The following MYO1C variants were observed in gnomAD, a reference collection of about 807,000 sequenced individuals.
MYO1C encodes myosin IC.
In MYO1C, 104 loss-of-function variants were observed where a neutral mutation model predicts 150.8. The observed-to-expected ratio is 0.69, with a 90% CI of 0.59 to 0.81. The LOEUF (loss-of-function observed/expected upper bound fraction) is 0.81, where lower values mean the gene tolerates loss of function less well. Ranked by LOEUF, MYO1C falls within the 30% of genes least tolerant of loss-of-function variation. MYO1C has a pLI of 0.00. For synonymous variants in MYO1C, 663 were observed against 579.9 expected (o/e 1.14, Z -2.06); for missense variants, 1,504 against 1,435.0 (o/e 1.05, Z -0.78).
intron 7 of MYO1C, 72 bp downstream of exon 7, chr17:1,480,448 CAAAAAAT>C (rs1450242690): frequency 7.7e-7 from 1 of 1,305,530 alleles, no homozygotes; most frequent in Non-Finnish European, 1.1e-6. Flanking sequence ...AACTCCGTCT[CAAAAAAT>C]AAAAAACAAA....
chr17:1,470,594 C>T lies in MYO1C; in HGVS notation c.2281+27G>A, dbSNP rs1187404786. Reference sequence around the variant, plus strand: ...CCCCCCCTGGCCCCAGACCCCGCCCCTCCTGAACACCCATGGGCCCGCGAA... The same window carrying T: ...CCCCCCCTGGCCCCAGACCCCGCCCTTCCTGAACACCCATGGGCCCGCGAA... On this transcript the variant is annotated intron_variant, in intron 22 of 31. Coordinates refer to ENST00000648651, the MANE Select transcript of MYO1C (RefSeq NM_001080779.2). 6 of 1,607,488 alleles carry T rather than the reference C, an allele frequency of 3.7e-6. No individual in the cohort carries two copies. The Admixed American group carries it at 5.0e-5, about 13-fold the overall frequency.
intron 29 of MYO1C, 62 bp from the exon 30 acceptor site, chr17:1,467,639 A>AC: frequency 1.3e-6 from 1 of 783,228 alleles, no homozygotes; most frequent in African/African-American, 3.8e-5. Flanking sequence ...CCCCCGCCCC[A>AC]CCTCCCCATC....
At chr17:1,472,339 C>G (rs2074322391) in intron 17 of MYO1C, 111 bp from the exon 18 acceptor site, 1 of 893,564 alleles carries the variant, frequency 1.1e-6, no homozygotes. Flanking sequence ...GCCTCTGATT[C>G]TGCCTGGTCC....
rs45624734 is a variant in MYO1C at position 1,467,445 on chromosome 17, C to T, written c.3065+35G>A. On this transcript the variant is annotated intron_variant, in intron 30 of 31. Coordinates refer to ENST00000648651, the MANE Select transcript of MYO1C (RefSeq NM_001080779.2). ...GGTGCCCACACAGCCCCCTCGCCAC[C>T]CCCGCCCTGTCCCCGGGGGCCGCCC... 64,197 of 1,608,666 alleles carry T rather than the reference C, an allele frequency of 0.04. 1,804 individuals are homozygous for T. Among genetic ancestry groups the T allele is most frequent in the African/African-American group, 0.14 (10,446 of 74,876 alleles).
chr17:1,488,084 C>T (rs1039587970), intron 1 of MYO1C, among the ~76,000 whole-genome samples: 2 of 152,162 alleles, frequency 1.3e-5, no homozygotes, highest in Non-Finnish European at 2.9e-5. Flanking sequence ...GGGACTCGGG[C>T]CGGGGGCGTG....
intron 7 of MYO1C, among the ~76,000 whole-genome samples, chr17:1,480,315 G>A (rs186387253): frequency 1.4e-3 from 208 of 151,950 alleles, no homozygotes; most frequent in African/African-American, 5.0e-3. Context: ...GGGCGTGGTG[G>A]CGGGCGCCTG....
At chr17:1,469,270 G>A (rs1000209079) in intron 25 of MYO1C, 11 of 513,070 alleles carry the variant, frequency 2.1e-5, no homozygotes, top group African/African-American at 9.5e-5. Flanking sequence ...AGTAGATTGC[G>A]GTAAATAGAG....
chr17:1,471,651 G>T (rs769004031), intron 19 of MYO1C, among the ~76,000 whole-genome samples: 7 of 152,142 alleles, frequency 4.6e-5, no homozygotes, highest in Admixed American at 3.3e-4. Context: ...TGCCTCTGGT[G>T]CCCGGCACGT....
intron 14 of MYO1C, among the ~76,000 whole-genome samples, chr17:1,476,707 C>T (rs1452005347): frequency 2.0e-5 from 3 of 152,222 alleles, no homozygotes; most frequent in Non-Finnish European, 4.4e-5. Flanking sequence ...GCGCTTGTTC[C>T]TGTTTCTACC....
Position 1,483,760 on chromosome 17 carries a change from C to G in MYO1C, c.232-35G>C, listed in dbSNP as rs762444700. On this transcript the variant is annotated intron_variant, in intron 2 of 31. Transcript: ENST00000648651. ...GGGGAAGAGGGTCCAAAGTTTATCC[C>G]GGGCCAGGTGCGATGGCTCATGCCT... is the stretch of plus-strand genomic sequence containing the variant. The G allele has an allele frequency of 3.3e-6, 5 of 1,529,364 alleles. No homozygotes were observed. The African/African-American group carries it at 6.8e-5, about 21-fold the overall frequency. The allele number at this position is 1,529,364 out of a possible 1,614,324, so 94.7% of individuals were successfully genotyped here. A position where few individuals can be genotyped will look rare whatever the true frequency, so the allele number is the denominator to read the frequency against.
intron 1 of MYO1C, among the ~76,000 whole-genome samples, chr17:1,487,418 G>A (rs2074676801): frequency 6.6e-6 from 1 of 152,218 alleles, no homozygotes; most frequent in Admixed American, 6.5e-5. Context: ...CTGGGGAGAG[G>A]GCGAGGCTGC....
rs1414930497 is a variant in MYO1C at position 1,479,419 on chromosome 17, G to A, written c.1092+12C>T. 1 of 1,287,062 alleles carries A rather than the reference G, an allele frequency of 7.8e-7. No homozygotes were observed. Among genetic ancestry groups the A allele is most frequent in the East Asian group, 2.5e-5 (1 of 39,936 alleles). The allele number at this position is 1,287,062 out of a possible 1,614,324, so 79.7% of individuals were successfully genotyped here. Reference sequence around the variant, plus strand: ...TGCCCCTCCACACCCGAGGGCAAGGGCCCGGCCTCACCTCCTCCCCCTTGG... The same window carrying A: ...TGCCCCTCCACACCCGAGGGCAAGGACCCGGCCTCACCTCCTCCCCCTTGG... On this transcript the variant is annotated intron_variant, in intron 9 of 31. Coordinates refer to ENST00000648651, the MANE Select transcript of MYO1C (RefSeq NM_001080779.2). This position sits in a 1 kb window ranked among gnomAD's most constrained non-coding sequence, Gnocchi z 4.2.
rs756229699 is a variant in MYO1C, at chr17:1,479,755, C to T, written c.907-50G>A. ...AGGGGGTGAGAGGGGCCAGAGAGCC[C>T]CAAGAGGGCAACTAGCAGATGGCCA... On this transcript the variant is annotated intron_variant, in intron 7 of 31. Transcript: ENST00000648651. This position sits in a 1 kb window ranked among gnomAD's most constrained non-coding sequence, Gnocchi z 4.2. 7.2e-7 allele frequency: 1 copy of T among 1,389,816 alleles called. No homozygotes were observed. The highest frequency in any genetic ancestry group is 1.2e-5 in the South Asian group (1 of 81,894). The allele number at this position is 1,389,816 out of a possible 1,614,324, so 86.1% of individuals were successfully genotyped here.
At position 1,470,615 on chromosome 17, in the gene MYO1C, G is replaced by T. The variant is rs201114121; in HGVS notation, c.2281+6C>A. 1.3e-6 allele frequency: 2 copies of T among 1,545,796 alleles called. No homozygotes were observed. Among genetic ancestry groups the T allele is most frequent in the African/African-American group, 1.4e-5 (1 of 73,058 alleles). Reference sequence around the variant, plus strand: ...GCCCCTCCTGAACACCCATGGGCCCGCGAACCTGATCTCTTCACCCGGAGG... The same window carrying T: ...GCCCCTCCTGAACACCCATGGGCCCTCGAACCTGATCTCTTCACCCGGAGG... On this transcript the variant is annotated splice_donor_region_variant and intron_variant, in intron 22 of 31. Transcript: ENST00000648651.
At chr17:1,485,026 C>A in intron 1 of MYO1C, 1 of 1,050,496 alleles carries the variant, frequency 9.5e-7, no homozygotes, top group African/African-American at 1.6e-5. Context: ...CCCTCCCTCG[C>A]ATGGCTGGGG....
chr17:1,469,185 C>CGGTAGGCGGGGTAAATAT lies in MYO1C; in HGVS notation c.2610+328_2610+345dup, dbSNP rs1598321772. On this transcript the variant is annotated intron_variant, in intron 25 of 31. Coordinates refer to ENST00000648651, the MANE Select transcript of MYO1C (RefSeq NM_001080779.2). ...TAAACAGAGTAGACCGGGGTAAATA[C>CGGTAGGCGGGGTAAATAT]GGTAGGCGGGGTAAATATGGTAGGC... 7 of 377,230 alleles carry CGGTAGGCGGGGTAAATAT rather than the reference C, an allele frequency of 1.9e-5. No homozygotes were observed. In the East Asian group the frequency reaches 3.9e-4, roughly 21 times the overall value. The allele number at this position is 377,230 out of a possible 1,614,324, so 23.4% of individuals were successfully genotyped here. A position where few individuals can be genotyped will look rare whatever the true frequency, so the allele number is the denominator to read the frequency against.
rs1431903313 is a variant in MYO1C, at chr17:1,480,769, C to CTCG, written c.741_743dup (p.Gly247_Glu248insAsp). ...AGCCCAGCCTGCGAAGAGTCTCCTC[C>CTCG]TCGCCCCCCTCCAGCAGCTGGTAGA... On this transcript the variant is annotated inframe_insertion, in exon 6 of 32. Coordinates refer to ENST00000648651, the MANE Select transcript of MYO1C (RefSeq NM_001080779.2). 3 of 1,614,010 alleles carry CTCG rather than the reference C, an allele frequency of 1.9e-6. No homozygotes were observed. The African/African-American group carries it at 4.0e-5, about 22-fold the overall frequency.
intron 21 of MYO1C, 148 bp downstream of exon 21, chr17:1,470,923 A>G: frequency 2.0e-6 from 2 of 1,005,516 alleles, no homozygotes; most frequent in Non-Finnish European, 3.0e-6. Flanking sequence ...CGGCCATTGG[A>G]CTCTCTGGAG....
intron 1 of MYO1C, among the ~76,000 whole-genome samples, chr17:1,488,772 G>C (rs1014743793): frequency 6.6e-6 from 1 of 152,184 alleles, no homozygotes; most frequent in African/African-American, 2.4e-5. Flanking sequence ...TTTGGCTCTG[G>C]GCCTAGAGGT....
Sources: allele counts gnomAD v4.1 joint callset (sites outside exome capture counted in the v4.1 genomes callset), GRCh38; gene constraint gnomAD v4.1.1; non-coding constraint Gnocchi (gnomAD v3.1); transcripts MANE v1.5; gene names NCBI Gene and HGNC (gene_info 2026-07-23, HGNC 2026-07-21).